Variants in HRK observed in about 807,000 individuals in gnomAD.
HRK encodes activator of apoptosis harakiri.
In HRK, 6 loss-of-function variants were observed where a neutral mutation model predicts 5.9. That is an observed-to-expected ratio of 1.02 (90% CI 0.56 to 2.01). The LOEUF (loss-of-function observed/expected upper bound fraction) is 2.01. HRK is among the 30% of genes most tolerant of loss of function. HRK has a pLI of 0.00. For synonymous variants in HRK, 85 were observed against 65.1 expected, an observed-to-expected ratio of 1.31 and a Z score of -1.47; for missense variants, 133 against 128.3, an observed-to-expected ratio of 1.04 and a Z score of -0.18.
At chr12:116,869,905 C>T (rs558631713) in intron 1 of HRK, among the ~76,000 whole-genome samples, 1 of 152,204 alleles carries the variant, frequency 6.6e-6, no homozygotes, top group Admixed American at 6.5e-5. Flanking sequence ...ACATGGTAAA[C>T]CCCTTCTCTA....
intron 1 of HRK, among the ~76,000 whole-genome samples, chr12:116,864,015 T>G (rs1449285504): frequency 1.3e-5 from 2 of 152,136 alleles, no homozygotes; most frequent in East Asian, 3.8e-4. Flanking sequence ...TCCCCTTCTA[T>G]CTCACGAGGG....
At chr12:116,873,066 T>G (rs1878817719) in intron 1 of HRK, among the ~76,000 whole-genome samples, 1 of 152,196 alleles carries the variant, frequency 6.6e-6, no homozygotes, top group African/African-American at 2.4e-5. Context: ...ACTCAGACCT[T>G]CTGCTCAAAG....
At chr12:116,877,299 G>A (rs985501525) in intron 1 of HRK, among the ~76,000 whole-genome samples, 5 of 150,492 alleles carry the variant, frequency 3.3e-5, no homozygotes, top group Non-Finnish European at 5.9e-5. Context: ...CAAGTGATCC[G>A]CCCACCTTGG....
At chr12:116,873,316 C>T (rs531187452) in intron 1 of HRK, among the ~76,000 whole-genome samples, 11 of 151,480 alleles carry the variant, frequency 7.3e-5, no homozygotes, top group Admixed American at 6.6e-4. Context: ...TTCTTTTATT[C>T]AGCATTTTCC....
Position 116,856,265 on chromosome 12 carries a change from G to C in HRK, c.*5258C>G, listed in dbSNP as rs1305671105. Reference sequence around the variant, plus strand: ...TCAGAACCAACAACGTCAGAACCCAGAACGGAACGTCCCCAAGCTTATTGC... The same window carrying C: ...TCAGAACCAACAACGTCAGAACCCACAACGGAACGTCCCCAAGCTTATTGC... On this transcript the variant is annotated 3_prime_UTR_variant, in exon 2 of 2. Transcript: ENST00000257572. The surrounding 1 kb of genome is among the most constrained non-coding windows in gnomAD (Gnocchi z 4.4). 1 of 152,230 alleles carries C rather than the reference G, an allele frequency of 6.6e-6. No individual in the cohort carries two copies. Among genetic ancestry groups the C allele is most frequent in the African/African-American group, 2.4e-5 (1 of 41,460 alleles). 9.4% of individuals were successfully genotyped at this position (152,230 alleles called of 1,614,324 possible).
chr12:116,876,004 GC>G (rs1878912867), intron 1 of HRK, among the ~76,000 whole-genome samples: 1 of 152,138 alleles, frequency 6.6e-6, no homozygotes. Context: ...AGAAACGGAA[GC>G]CCCCTCCCCA....
intron 1 of HRK, 85 bp downstream of exon 1, chr12:116,880,891 C>A (rs1018948736): frequency 3.2e-4 from 156 of 486,702 alleles, no homozygotes; most frequent in Non-Finnish European, 4.2e-4. Flanking sequence ...GAAAGCCAAA[C>A]TTGCCACTCT....
chr12:116,871,092 TTTTTG>T (rs57267390), intron 1 of HRK, among the ~76,000 whole-genome samples: 10,798 of 148,372 alleles, frequency 0.073, 436 homozygotes, highest in South Asian at 0.12. Context: ...CTAATTTTTG[TTTTTG>T]TTTTGTTTTG....
At chr12:116,870,931 G>C (rs1436751723) in intron 1 of HRK, among the ~76,000 whole-genome samples, 1 of 152,140 alleles carries the variant, frequency 6.6e-6, no homozygotes, top group Non-Finnish European at 1.5e-5. Flanking sequence ...TTGTTTGTTT[G>C]TATTTGAGAC....
At chr12:116,870,923 G>T (rs1179865966) in intron 1 of HRK, among the ~76,000 whole-genome samples, 1 of 152,078 alleles carries the variant, frequency 6.6e-6, no homozygotes, top group Non-Finnish European at 1.5e-5. Context: ...TATGTTTTTT[G>T]TTTGTTTGTA....
intron 1 of HRK, among the ~76,000 whole-genome samples, chr12:116,877,217 A>AT (rs377267721): frequency 0.011 from 1,550 of 143,312 alleles, 13 homozygotes; most frequent in Non-Finnish European, 0.018. Context: ...TGCCCAGCTA[A>AT]TTTTTTTTTT....
At chr12:116,880,446 C>T (rs1003277633) in intron 1 of HRK, among the ~76,000 whole-genome samples, 5 of 152,106 alleles carry the variant, frequency 3.3e-5, no homozygotes, top group African/African-American at 1.2e-4. Flanking sequence ...TCTCGAGATG[C>T]GCTTGGGGTG....
chr12:116,865,002 C>T (rs946535605), intron 1 of HRK, among the ~76,000 whole-genome samples: 1 of 152,068 alleles, frequency 6.6e-6, no homozygotes, highest in African/African-American at 2.4e-5. Flanking sequence ...AAAAAATGTC[C>T]CTGTTTCCAT....
intron 1 of HRK, among the ~76,000 whole-genome samples, chr12:116,865,896 G>A (rs574794594): frequency 2.8e-4 from 43 of 152,250 alleles, no homozygotes; most frequent in Admixed American, 4.6e-4. Context: ...GGTGGCTCAC[G>A]CCTGTAATCC....
intron 1 of HRK, chr12:116,869,645 A>G (rs935545152): frequency 6.6e-6 from 1 of 152,228 alleles, no homozygotes; most frequent in African/African-American, 2.4e-5. Flanking sequence ...GTCCCTTTCC[A>G]TGAAGCTTCC....
At position 116,878,330 on chromosome 12, in the gene HRK, A is replaced by G. The variant is rs2137255184; in HGVS notation, c.*56+2646T>C. On this transcript the variant is annotated intron_variant, in intron 1 of 1. Transcript: ENST00000257572. This position sits in a 1 kb window ranked among gnomAD's most constrained non-coding sequence, Gnocchi z 4.4. ...TGGCACAGGCCTCCCTCAAACACCT[A>G]AGGTACAGCTGTGAACATTCCCCTT... 6.6e-6 allele frequency: 1 copy of G among 152,436 alleles called. No homozygotes were observed. 9.4% of individuals were successfully genotyped at this position (152,436 alleles called of 1,614,324 possible). A position where few individuals can be genotyped will look rare whatever the true frequency, so the allele number is the denominator to read the frequency against.
At chr12:116,875,535 C>A (rs903143191) in intron 1 of HRK, among the ~76,000 whole-genome samples, 6 of 151,932 alleles carry the variant, frequency 3.9e-5, no homozygotes, top group African/African-American at 1.2e-4. Flanking sequence ...TGCATAGTTT[C>A]TTTTTTTATT....
intron 1 of HRK, among the ~76,000 whole-genome samples, chr12:116,875,528 A>G (rs893004904): frequency 3.3e-5 from 5 of 152,064 alleles, no homozygotes; most frequent in African/African-American, 4.8e-5. Flanking sequence ...ACTATGTTGC[A>G]TAGTTTCTTT....
intron 1 of HRK, among the ~76,000 whole-genome samples, chr12:116,863,365 G>A (rs1878432109): frequency 1.3e-5 from 2 of 152,272 alleles, no homozygotes; most frequent in South Asian, 4.1e-4. Context: ...CCGCTGTCTG[G>A]ACTCTGGTAC....
Sources: gnomAD v4.1 joint callset for allele counts (sites outside exome capture counted in the v4.1 genomes callset) on GRCh38, gnomAD v4.1.1 for gene constraint, Gnocchi (gnomAD v3.1) non-coding constraint, MANE v1.5 for transcripts, NCBI Gene and HGNC (gene_info 2026-07-23, HGNC 2026-07-21) for gene names.